The following MAF variants were observed in gnomAD, a reference collection of about 807,000 sequenced individuals.
MAF encodes transcription factor Maf.
MAF carries 10 observed loss-of-function variants against 22.0 expected under a neutral mutation model. The observed-to-expected ratio is 0.45, with a 90% CI of 0.28 to 0.77. MAF has a LOEUF of 0.77. Among genes scored for constraint, MAF ranks in the 30% least tolerant of loss-of-function variants. The pLI is 0.12. For missense variants in MAF, 544 were observed against 548.4 expected (o/e 0.99, Z 0.08); for synonymous variants, 337 against 255.8 (o/e 1.32, Z -3.03).
the MAF span, among the ~76,000 whole-genome samples, chr16:79,312,997 A>G: frequency 1.3e-3 from 200 of 152,334 alleles, 1 homozygote; most frequent in African/African-American, 4.3e-3. Context: ...GTTGCATGCA[A>G]TTAAAAGCAT....
At chr16:79,290,233 C>T in the MAF span, among the ~76,000 whole-genome samples, 1 of 152,146 alleles carries the variant, frequency 6.6e-6, no homozygotes, top group Non-Finnish European at 1.5e-5. Context: ...AGAGTTGTCT[C>T]CTGGGAGGCT....
At chr16:79,456,049 C>T in the MAF span, among the ~76,000 whole-genome samples, 3 of 152,086 alleles carry the variant, frequency 2.0e-5, no homozygotes, top group South Asian at 6.2e-4. Context: ...TAAATAAAAA[C>T]AAATTAATGT....
chr16:79,268,787 C>T, the MAF span, among the ~76,000 whole-genome samples: 12 of 152,190 alleles, frequency 7.9e-5, no homozygotes, highest in African/African-American at 1.7e-4. Flanking sequence ...ACTGTGCTGC[C>T]GGCCACCTGG....
chr16:79,219,096 C>A, the MAF span, among the ~76,000 whole-genome samples: 68,345 of 152,112 alleles, frequency 0.45, 17,110 homozygotes, highest in Non-Finnish European at 0.58. Flanking sequence ...TGCCCTGCTG[C>A]ATCTTAGGCG....
chr16:79,278,785 G>A, the MAF span, among the ~76,000 whole-genome samples: 1 of 152,250 alleles, frequency 6.6e-6, no homozygotes, highest in East Asian at 1.9e-4. Context: ...GACAGGAGAT[G>A]GCTCCCTGCC....
chr16:79,569,051 C>T, the MAF span, among the ~76,000 whole-genome samples: 1 of 152,170 alleles, frequency 6.6e-6, no homozygotes, highest in Non-Finnish European at 1.5e-5. Context: ...CTGCCTAAGT[C>T]CCTGCAGGAT....
the MAF span, among the ~76,000 whole-genome samples, chr16:79,278,056 T>C: frequency 1.3e-5 from 2 of 152,230 alleles, no homozygotes; most frequent in Non-Finnish European, 2.9e-5. Flanking sequence ...ATGCCTGCGA[T>C]TGCAAACATT....
At chr16:79,437,717 C>T in the MAF span, among the ~76,000 whole-genome samples, 1 of 152,108 alleles carries the variant, frequency 6.6e-6, no homozygotes, top group South Asian at 2.1e-4. Context: ...TTCCAGAGCA[C>T]GAGCTTCTCG....
downstream of MAF, among the ~76,000 whole-genome samples, chr16:79,590,952 G>C (rs76978985): frequency 0.037 from 5,604 of 152,162 alleles, 319 homozygotes; most frequent in African/African-American, 0.13. Context: ...AAGTGGATGA[G>C]GTCATATAGA....
chr16:79,221,407 A>G, the MAF span, among the ~76,000 whole-genome samples: 1 of 152,172 alleles, frequency 6.6e-6, no homozygotes, highest in East Asian at 1.9e-4. Flanking sequence ...AAATCACTCT[A>G]TGTGTTCCCA....
intron 1 of MAF, chr16:79,595,583 A>T: frequency 9.4e-7 from 1 of 1,059,650 alleles, no homozygotes; most frequent in Non-Finnish European, 1.1e-6. Context: ...TGTGTCATTT[A>T]AAAATAGGTC....
chr16:79,409,401 A>C, the MAF span, among the ~76,000 whole-genome samples: 1 of 152,194 alleles, frequency 6.6e-6, no homozygotes. Flanking sequence ...TTTTCAATTG[A>C]AGGCTGAGAG....
chr16:79,442,250 A>G, the MAF span, among the ~76,000 whole-genome samples: 3 of 152,246 alleles, frequency 2.0e-5, no homozygotes, highest in African/African-American at 7.2e-5. Flanking sequence ...GAGGACCAAG[A>G]TATCGGTGAT....
At chr16:79,300,411 C>T in the MAF span, among the ~76,000 whole-genome samples, 82 of 152,004 alleles carry the variant, frequency 5.4e-4, no homozygotes, top group Non-Finnish European at 4.7e-4. Context: ...AAAAATTAGC[C>T]GGGTGTGGTG....
At chr16:79,496,028 G>C in the MAF span, among the ~76,000 whole-genome samples, 25 of 152,092 alleles carry the variant, frequency 1.6e-4, no homozygotes, top group African/African-American at 6.0e-4. Context: ...CCATAGTCTT[G>C]GCCACCATTT....
the MAF span, among the ~76,000 whole-genome samples, chr16:79,523,774 T>C: frequency 2.6e-5 from 4 of 152,348 alleles, no homozygotes; most frequent in East Asian, 5.8e-4. Flanking sequence ...CTTCAAGTGC[T>C]AAGTCCTAAA....
the MAF span, among the ~76,000 whole-genome samples, chr16:79,339,568 T>C: frequency 6.6e-6 from 1 of 152,218 alleles, no homozygotes; most frequent in Non-Finnish European, 1.5e-5. Context: ...GTTAAGCCGC[T>C]AAAATTTTGA....
the MAF span, among the ~76,000 whole-genome samples, chr16:79,353,661 C>A: frequency 6.6e-6 from 1 of 152,090 alleles, no homozygotes; most frequent in Non-Finnish European, 1.5e-5. Flanking sequence ...GTAAGGTGGG[C>A]TGCTATTTTT....
chr16:79,286,881 T>A, the MAF span, among the ~76,000 whole-genome samples: 1 of 152,074 alleles, frequency 6.6e-6, no homozygotes, highest in East Asian at 1.9e-4. Flanking sequence ...CTTCCCCGCC[T>A]CCTCCCACAC....
Sources: allele counts gnomAD v4.1 joint callset (sites outside exome capture counted in the v4.1 genomes callset), GRCh38; gene constraint gnomAD v4.1.1; transcripts MANE v1.5; gene names NCBI Gene and HGNC (gene_info 2026-07-23, HGNC 2026-07-21).